POM121: variants seen among roughly 807,000 people sequenced by gnomAD.
POM121 encodes the protein POM121 transmembrane nucleoporin.
POM121 carries 32 observed loss-of-function variants against 81.3 expected under a neutral mutation model. The observed-to-expected ratio is 0.39, with a 90% CI of 0.30 to 0.53. The LOEUF (loss-of-function observed/expected upper bound fraction) is 0.53, where lower values mean the gene tolerates loss of function less well. POM121 is among the 20% of genes least tolerant of loss of function. The probability of loss-of-function intolerance (pLI) is 0.66; values close to 1 mark genes in which losing one functional copy is unlikely to be tolerated. For synonymous variants in POM121, 514 were observed against 694.2 expected, an observed-to-expected ratio of 0.74 and a Z score of 4.08; for missense variants, 1,138 against 1,614.6, an observed-to-expected ratio of 0.70 and a Z score of 5.06.
At position 72,941,707 on chromosome 7, in the gene POM121, C is replaced by G. The variant is rs556612685; in HGVS notation, c.1844-130C>G. On this transcript the variant is annotated intron_variant, in intron 10 of 12. Coordinates refer to ENST00000434423, the MANE Select transcript of POM121 (RefSeq NM_001387691.1). ...TTACTGTACAGGCCTGTAGTGTAGA[C>G]TTAGCTGAGTTTATTGACTGACTCT... is the stretch of plus-strand genomic sequence containing the variant. 1.6e-5 allele frequency: 18 copies of G among 1,100,412 alleles called. No individual in the cohort carries two copies. The African/African-American group carries it at 2.9e-4, about 18-fold the overall frequency. The allele number at this position is 1,100,412 out of a possible 1,614,324, so 68.2% of individuals were successfully genotyped here.
chr7:72,909,335 GTTGA>G (rs1486818250), intron 3 of POM121, among the ~76,000 whole-genome samples: 1 of 152,170 alleles, frequency 6.6e-6, no homozygotes, highest in African/African-American at 2.4e-5. Context: ...GTTACCATCT[GTTGA>G]TTGTCTTTCC....
At chr7:72,938,901 C>G (rs1443316023) in intron 6 of POM121, among the ~76,000 whole-genome samples, 12 of 152,196 alleles carry the variant, frequency 7.9e-5, no homozygotes, top group Admixed American at 6.5e-4. Context: ...GCCTCCCACT[C>G]CAGCATGAGG....
downstream of POM121, chr7:72,948,420 G>C (rs782549132): frequency 6.2e-7 from 1 of 1,613,222 alleles, no homozygotes; most frequent in Non-Finnish European, 8.5e-7. Flanking sequence ...GAGGGCCCAG[G>C]GTCTTCCACG....
At chr7:72,931,114 A>G (rs1161963045) in intron 5 of POM121, among the ~76,000 whole-genome samples, 2 of 152,178 alleles carry the variant, frequency 1.3e-5, no homozygotes, top group Non-Finnish European at 2.9e-5. Flanking sequence ...ATGAACATTA[A>G]TGACCGTAAT....
upstream of POM121, among the ~76,000 whole-genome samples, chr7:72,922,067 T>A (rs1794863838): frequency 6.6e-6 from 1 of 152,234 alleles, no homozygotes; most frequent in South Asian, 2.1e-4. Flanking sequence ...TTGATCTTGT[T>A]AAATTAATTT....
chr7:72,898,642 CA>C (rs1251676398), intron 3 of POM121, among the ~76,000 whole-genome samples: 1 of 151,684 alleles, frequency 6.6e-6, no homozygotes, highest in Non-Finnish European at 1.5e-5. Flanking sequence ...ACTAAAAATA[CA>C]AAAAATTAGC....
intron 4 of POM121, among the ~76,000 whole-genome samples, chr7:72,918,424 T>C (rs1794496229): frequency 6.6e-6 from 1 of 152,180 alleles, no homozygotes; most frequent in South Asian, 2.1e-4. Context: ...CACACTCTTG[T>C]CTTCTGGTCA....
intron 3 of POM121, chr7:72,913,715 C>T (rs1470507933): frequency 1.3e-5 from 2 of 152,394 alleles, no homozygotes; most frequent in African/African-American, 4.8e-5. Context: ...CGTCTCTGGA[C>T]TCGTTTCATT....
rs1348708313 is a variant in POM121, at chr7:72,928,006, G to A, written c.1023-379G>A. 2.0e-5 allele frequency among the ~76,000 whole-genome samples: 3 copies of A among 152,104 alleles called. No individual in the cohort carries two copies. The East Asian group carries it at 5.8e-4, about 29-fold the overall frequency. On this transcript the variant is annotated intron_variant, in intron 3 of 12. Coordinates refer to ENST00000434423, the MANE Select transcript of POM121 (RefSeq NM_001387691.1). ...GGATCGCTGGAGCCCAGTTGCTCAA[G>A]ACCAGCCTGGGCAACATAGTGAGAC...
rs1795687416 is a variant in POM121, at chr7:72,928,436, C to T, written c.1074C>T (p.Ala358=). The T allele has an allele frequency of 6.2e-7, 1 of 1,614,256 alleles. No individual in the cohort carries two copies. Among genetic ancestry groups the T allele is most frequent in the Non-Finnish European group, 8.5e-7 (1 of 1,180,046 alleles). Reference sequence around the variant, plus strand: ...ATTCAGCATTTGAGCCCCTGGTGGCCAATGGAGTCCCCGCTTCTTTTGTGC... The same window carrying T: ...ATTCAGCATTTGAGCCCCTGGTGGCTAATGGAGTCCCCGCTTCTTTTGTGC... ...SGHSAFEPLV[A]NGVPASFVPK... is the part of the protein sequence containing the mutation. Residue 358 remains alanine (A), a synonymous_variant, in exon 4 of 13, where the codon GCC becomes GCT. Coordinates refer to ENST00000434423, the MANE Select transcript of POM121 (RefSeq NM_001387691.1).
chr7:72,897,626 A>G (rs1792095620), intron 3 of POM121, among the ~76,000 whole-genome samples: 1 of 152,216 alleles, frequency 6.6e-6, no homozygotes, highest in African/African-American at 2.4e-5. Flanking sequence ...TGGTCAAAAC[A>G]GGGGTCCTGG....
intron 1 of POM121, among the ~76,000 whole-genome samples, chr7:72,888,883 G>A (rs1353048877): frequency 2.6e-5 from 4 of 151,744 alleles, no homozygotes; most frequent in Admixed American, 2.6e-4. Flanking sequence ...AGCTTTTTCT[G>A]TCAAGCTTTT....
At chr7:72,881,341 TATC>T (rs1310446853) in intron 1 of POM121, among the ~76,000 whole-genome samples, 2 of 150,094 alleles carry the variant, frequency 1.3e-5, no homozygotes, top group African/African-American at 2.4e-5. Flanking sequence ...CGAAACCCTG[TATC>T]ACTCTTTTAG....
intron 2 of POM121, chr7:72,890,777 T>C (rs1470340861): frequency 1.5e-4 from 232 of 1,595,860 alleles, no homozygotes; most frequent in Non-Finnish European, 1.9e-4. Flanking sequence ...GCTTTCTGAA[T>C]GCTCTCAGTT....
downstream of POM121, chr7:72,950,212 C>G: frequency 1.2e-6 from 2 of 1,608,692 alleles, no homozygotes; most frequent in Non-Finnish European, 1.7e-6. Flanking sequence ...AGGGAAGAAC[C>G]ATTCATTCAT....
At position 72,925,240 on chromosome 7, in the gene POM121, C is replaced by A; in HGVS notation, c.119C>A (p.Ser40Ter). The change falls in exon 1 of 13, where the codon TCG (serine) becomes TAG (stop). Residue 40 changes from serine (S) to a stop codon, truncating the protein, a stop_gained. Coordinates refer to ENST00000434423, the MANE Select transcript of POM121 (RefSeq NM_001387691.1). LOFTEE classifies it high-confidence loss of function. ...GCCAGGGCGGTGCTCCTGGGCCTGT[C>A]GCTGGTTGGCCTCTTACTGTACCTC... ...GPARAVLLGL[S>*]LVGLLLYLVP... 6.5e-7 allele frequency: 1 copy of A among 1,533,914 alleles called. No individual in the cohort carries two copies. The highest frequency in any genetic ancestry group is 1.4e-5 in the African/African-American group (1 of 73,048).
At chr7:72,909,672 A>G (rs1554493945) in intron 3 of POM121, among the ~76,000 whole-genome samples, 1 of 152,124 alleles carries the variant, frequency 6.6e-6, no homozygotes, top group African/African-American at 2.4e-5. Flanking sequence ...GTTTGGAGAC[A>G]GTGTCTTGCT....
chr7:72,946,820 G>A lies in POM121; in HGVS notation c.*586G>A, dbSNP rs1412424662. 7 of 891,552 alleles carry A rather than the reference G, an allele frequency of 7.9e-6. 1 individual carries two copies. In the Admixed American group the frequency reaches 5.1e-4, roughly 66 times the overall value. 55.2% of individuals were successfully genotyped at this position (891,552 alleles called of 1,614,324 possible). On this transcript the variant is annotated 3_prime_UTR_variant, in exon 13 of 13. Coordinates refer to ENST00000434423, the MANE Select transcript of POM121 (RefSeq NM_001387691.1). ...ATGCCCTTGAATCTAGCTTTGCCTT[G>A]GAGACCCCAGTGGGTGCTGCTCCTG...
intron 1 of POM121, 105 bp downstream of exon 1, chr7:72,925,870 T>C (rs1227039608): frequency 8.0e-7 from 1 of 1,245,424 alleles, no homozygotes; most frequent in African/African-American, 1.6e-5. Context: ...CCCAAGGGGA[T>C]TGTGTGTGGT....
Sources: allele counts gnomAD v4.1 joint callset (sites outside exome capture counted in the v4.1 genomes callset), GRCh38; gene constraint gnomAD v4.1.1; transcripts MANE v1.5; gene names NCBI Gene and HGNC (gene_info 2026-07-23, HGNC 2026-07-21).